The following MTERF3 variants were observed in gnomAD, a reference collection of about 807,000 sequenced individuals.
MTERF3 encodes the protein mitochondrial transcription termination factor 3, also known as transcription termination factor 3, mitochondrial.
In MTERF3, 40 loss-of-function variants were observed where a neutral mutation model predicts 40.5. That is an observed-to-expected ratio of 0.99 (90% CI 0.77 to 1.29). MTERF3 has a LOEUF of 1.29. Ranked by LOEUF, MTERF3 falls within the 50% of genes most tolerant of loss-of-function variation. MTERF3 has a pLI of 0.00. For missense variants in MTERF3, 452 were observed against 478.2 expected (o/e 0.95, Z 0.51); for synonymous variants, 158 against 166.6 (o/e 0.95, Z 0.40).
chr8:96,245,818 C>T (rs745489121), intron 6 of MTERF3, 42 bp downstream of exon 6: 5 of 1,565,154 alleles, frequency 3.2e-6, no homozygotes, highest in Non-Finnish European at 4.4e-6. Context: ...GATTTTAACA[C>T]TTAAAGAAAC....
intron 7 of MTERF3, among the ~76,000 whole-genome samples, chr8:96,242,679 T>C (rs1291521415): frequency 6.6e-6 from 1 of 152,242 alleles, no homozygotes; most frequent in Non-Finnish European, 1.5e-5. Context: ...ACTCAATTGC[T>C]GTTATTACTT....
chr8:96,246,476 C>T lies in MTERF3; in HGVS notation c.678-22G>A, dbSNP rs200596481. 2.8e-4 allele frequency: 448 copies of T among 1,576,402 alleles called. 3 individuals carry two copies. In the East Asian group the frequency reaches 9.8e-3, roughly 35 times the overall value. On this transcript the variant is annotated intron_variant, in intron 4 of 7. Transcript: ENST00000287025. ...CACCCTAGAGAAACATAAATACATACGCATGTGATAAACACTTACATTCTT... is the reference window on the plus strand; with the variant it reads ...CACCCTAGAGAAACATAAATACATATGCATGTGATAAACACTTACATTCTT...
intron 1 of MTERF3, among the ~76,000 whole-genome samples, chr8:96,259,657 C>T (rs1810343390): frequency 6.6e-6 from 1 of 152,104 alleles, no homozygotes; most frequent in Non-Finnish European, 1.5e-5. Context: ...AAGAAATGCT[C>T]AATAAATGTT....
chr8:96,256,817 C>T (rs751900814), intron 3 of MTERF3, 145 bp downstream of exon 3: 19 of 566,238 alleles, frequency 3.4e-5, no homozygotes, highest in East Asian at 3.4e-5. Flanking sequence ...GCAGGGAATA[C>T]GGTTTCTCAC....
chr8:96,257,846 A>T (rs1810308583), intron 2 of MTERF3, among the ~76,000 whole-genome samples: 1 of 152,166 alleles, frequency 6.6e-6, no homozygotes, highest in Non-Finnish European at 1.5e-5. Flanking sequence ...TATTCTACTT[A>T]ACCTTATATC....
Position 96,246,461 on chromosome 8 carries a change from A to C in MTERF3, c.678-7T>G. The C allele has an allele frequency of 6.2e-7, 1 of 1,601,974 alleles. No individual in the cohort carries two copies. Among genetic ancestry groups the C allele is most frequent in the Non-Finnish European group, 8.5e-7 (1 of 1,175,868 alleles). ...TGAATGCAGATAAGCCACCCTAGAG[A>C]AACATAAATACATACGCATGTGATA... On this transcript the variant is annotated splice_polypyrimidine_tract_variant and splice_region_variant and intron_variant, in intron 4 of 7. Coordinates refer to ENST00000287025, the MANE Select transcript of MTERF3 (RefSeq NM_015942.5).
chr8:96,250,918 T>C lies in MTERF3; in HGVS notation c.665A>G (p.Asn222Ser), dbSNP rs1487694824. ...TTAAAAGTCCTACCTGGTCTTCAGA[T>C]TTTCAAGGTCTTCAGAGAAAATTGC... ...NHAIFSEDLE[N>S]LKTRVAYLHS... Residue 222 changes from asparagine (N) to serine (S), a missense_variant, in exon 4 of 8, where the codon AAT (asparagine) becomes AGT (serine). Asn to Ser is a conservative substitution (Grantham distance 46). Transcript: ENST00000287025. 6.2e-7 allele frequency: 1 copy of C among 1,607,296 alleles called. No individual in the cohort carries two copies. The highest frequency in any genetic ancestry group is 1.3e-5 in the African/African-American group (1 of 74,286).
chr8:96,248,048 A>G lies in MTERF3; in HGVS notation c.678-1594T>C, dbSNP rs540198395. On this transcript the variant is annotated intron_variant, in intron 4 of 7. Transcript: ENST00000287025. ...AAGTACTCTTTTTATCTATACAATC[A>G]ACTGAAAGCAAAGTGTGATAGCACT... 1.7e-3 allele frequency among the ~76,000 whole-genome samples: 256 copies of G among 152,360 alleles called. 2 individuals carry two copies. Among genetic ancestry groups the G allele is most frequent in the Middle Eastern group, 6.8e-3 (2 of 294 alleles).
chr8:96,241,845 A>C (rs1032589006), intron 7 of MTERF3, among the ~76,000 whole-genome samples: 1 of 152,208 alleles, frequency 6.6e-6, no homozygotes, highest in African/African-American at 2.4e-5. Flanking sequence ...GCCTTCACAG[A>C]AAGTCACAGA....
chr8:96,242,647 A>T (rs746145144), intron 7 of MTERF3, among the ~76,000 whole-genome samples: 15 of 152,358 alleles, frequency 9.8e-5, no homozygotes, highest in Admixed American at 3.9e-4. Context: ...AGCAATAAAG[A>T]TAGAGCTGGC....
chr8:96,250,634 A>AGAAGAAGAG (rs1810140374), intron 4 of MTERF3, among the ~76,000 whole-genome samples: 1 of 24,362 alleles, frequency 4.1e-5, no homozygotes, highest in African/African-American at 1.8e-4. Flanking sequence ...AAGAAGAAGA[A>AGAAGAAGAG]GAAGAAGAAG....
chr8:96,259,267 G>A (rs992071395), intron 1 of MTERF3, among the ~76,000 whole-genome samples: 1 of 152,178 alleles, frequency 6.6e-6, no homozygotes, highest in South Asian at 2.1e-4. Flanking sequence ...GCAGTTTCTT[G>A]CTTCATTCTC....
In MTERF3 at chr8:96,251,049, G is replaced by A. The variant is rs768297292; in HGVS notation, c.534C>T (p.Leu178=). The A allele has an allele frequency of 1.9e-6, 3 of 1,593,470 alleles. No homozygotes were observed. The Admixed American group carries it at 5.6e-5, about 30-fold the overall frequency. ...CTTTTTCAAAATCCAGTCTCAGAAG[G>A]AGGTTTGCTGCTTCTGGATGTTTTT... The part of the protein sequence containing the change: ...KIEKHPEAAN[L]LLRLDFEKDI... The change falls in exon 4 of 8, where the codon CTC becomes CTT. Residue 178 remains leucine, a synonymous_variant. Transcript: ENST00000287025.
chr8:96,240,402 T>A (rs1326113319), intron 7 of MTERF3, among the ~76,000 whole-genome samples: 2 of 152,184 alleles, frequency 1.3e-5, no homozygotes, highest in Non-Finnish European at 2.9e-5. Context: ...TAAGATGTTA[T>A]TATATAAAAA....
intron 7 of MTERF3, 23 bp downstream of exon 7, chr8:96,243,894 CAG>C: frequency 6.2e-7 from 1 of 1,610,402 alleles, no homozygotes. Flanking sequence ...GCAGCGCTTA[CAG>C]AGAGAGCTGT....
chr8:96,253,252 C>T (rs1053539998), intron 3 of MTERF3, among the ~76,000 whole-genome samples: 12 of 152,174 alleles, frequency 7.9e-5, no homozygotes, highest in African/African-American at 2.9e-4. Flanking sequence ...GCCTTCCCAA[C>T]AATAAAGAGA....
chr8:96,249,042 T>C (rs1336128619), intron 4 of MTERF3, among the ~76,000 whole-genome samples: 1 of 152,234 alleles, frequency 6.6e-6, no homozygotes, highest in Non-Finnish European at 1.5e-5. Flanking sequence ...CAATGGACTA[T>C]GCTACCGACG....
At chr8:96,244,233 C>T (rs1185077846) in intron 6 of MTERF3, among the ~76,000 whole-genome samples, 153 bp from the exon 7 acceptor site, 1 of 151,622 alleles carries the variant, frequency 6.6e-6, no homozygotes, top group East Asian at 1.9e-4. Context: ...CTCAGTCTCC[C>T]AAGTAACTGG....
At chr8:96,257,220 GATC>G (rs1810297613) in intron 2 of MTERF3, 106 bp from the exon 3 acceptor site, 1 of 1,193,022 alleles carries the variant, frequency 8.4e-7, no homozygotes, top group South Asian at 1.7e-5. Flanking sequence ...TAAATCTTGG[GATC>G]ATTTTAGAAT....
Sources: gnomAD v4.1 joint callset for allele counts (sites outside exome capture counted in the v4.1 genomes callset) on GRCh38, gnomAD v4.1.1 for gene constraint, MANE v1.5 for transcripts, NCBI Gene and HGNC (gene_info 2026-07-23, HGNC 2026-07-21) for gene names.